BRIP1: variants seen among roughly 807,000 people sequenced by gnomAD.
BRIP1 encodes BRCA1 interacting DNA helicase 1, also known as Fanconi anemia group J protein.
A neutral mutation model predicts 119.7 loss-of-function variants in BRIP1; 88 were observed. That is an observed-to-expected ratio of 0.74 (90% CI 0.62 to 0.88). The LOEUF (loss-of-function observed/expected upper bound fraction) is 0.88, where lower values mean the gene tolerates loss of function less well. Among genes scored for constraint, BRIP1 ranks in the 40% least tolerant of loss-of-function variants. BRIP1 has a pLI of 0.00. For missense variants in BRIP1, 1,259 were observed against 1,455.4 expected (o/e 0.87, Z 2.20); for synonymous variants, 443 against 496.5 (o/e 0.89, Z 1.43).
intron 17 of BRIP1, among the ~76,000 whole-genome samples, chr17:61,696,810 CCT>C (rs2061528382): frequency 6.6e-6 from 1 of 151,340 alleles, no homozygotes; most frequent in Non-Finnish European, 1.5e-5. Context: ...ACGGTGAAAC[CCT>C]GTCTCTACTA....
rs1202620498 is a variant in BRIP1 at position 61,752,338 on chromosome 17, A to G, written c.2098-7747T>C. ...GCTTGAATTAGAAAGAGTTAAGAAA[A>G]AAAATGCAAACCTTGAGAATAAGAT... On this transcript the variant is annotated intron_variant, in intron 14 of 19. Coordinates refer to ENST00000259008, the MANE Select transcript of BRIP1 (RefSeq NM_032043.3). This position sits in a 1 kb window ranked among gnomAD's most constrained non-coding sequence, Gnocchi z 6.2. 6.6e-6 allele frequency among the ~76,000 whole-genome samples: 1 copy of G among 152,174 alleles called. No individual in the cohort carries two copies. The highest frequency in any genetic ancestry group is 2.4e-5 in the African/African-American group (1 of 41,450).
At position 61,703,176 on chromosome 17, in the gene BRIP1, T is replaced by G. The variant is rs1461149930; in HGVS notation, c.2493-9664A>C. ...ACCTCCCGGGTTCAAACGATTCTCC[T>G]GCTTAGCCTCCCAAGTAGCTGGAAT... is the stretch of plus-strand genomic sequence containing the variant. On this transcript the variant is annotated intron_variant, in intron 17 of 19. Coordinates refer to ENST00000259008, the MANE Select transcript of BRIP1 (RefSeq NM_032043.3). This position sits in a 1 kb window ranked among gnomAD's most constrained non-coding sequence, Gnocchi z 5.0. Among the ~76,000 whole-genome samples, 1 of 152,154 alleles carries G rather than the reference T, an allele frequency of 6.6e-6. No homozygotes were observed. Among genetic ancestry groups the G allele is most frequent in the Non-Finnish European group, 1.5e-5 (1 of 68,030 alleles).
rs1280049061 is a variant in BRIP1 at position 61,699,127 on chromosome 17, T to C, written c.2493-5615A>G. 1.3e-5 allele frequency among the ~76,000 whole-genome samples: 2 copies of C among 152,232 alleles called. No individual in the cohort carries two copies. The highest frequency in any genetic ancestry group is 4.1e-4 in the South Asian group (2 of 4,834). The stretch of plus-strand genomic sequence containing the variant: ...TTGTTTACTATTTGCATGGTATGTC[T>C]TTTCCCATCATTTTATTTTCAACCT... On this transcript the variant is annotated intron_variant, in intron 17 of 19. Coordinates refer to ENST00000259008, the MANE Select transcript of BRIP1 (RefSeq NM_032043.3). This position sits in a 1 kb window ranked among gnomAD's most constrained non-coding sequence, Gnocchi z 4.8.
At position 61,760,373 on chromosome 17, in the gene BRIP1, C is replaced by A. The variant is rs2144839694; in HGVS notation, c.2098-15782G>T. 6.6e-6 allele frequency among the ~76,000 whole-genome samples: 1 copy of A among 151,772 alleles called. No individual in the cohort carries two copies. The highest frequency in any genetic ancestry group is 3.4e-3 in the Middle Eastern group (1 of 292). ...AAGATCCCAAATAAATAACATTACT[C>A]CTCAAGGATCTAGAAAAAGAAGAAC... On this transcript the variant is annotated intron_variant, in intron 14 of 19. Transcript: ENST00000259008. This position sits in a 1 kb window ranked among gnomAD's most constrained non-coding sequence, Gnocchi z 4.6.
Position 61,842,630 on chromosome 17 carries a change from A to G in BRIP1, c.627+4471T>C, listed in dbSNP as rs1171615890. Reference sequence around the variant, plus strand: ...AAGATCAGAACTACAAATATGTAATATTATTAGTCGGTATTATATAGAATC... The same window carrying G: ...AAGATCAGAACTACAAATATGTAATGTTATTAGTCGGTATTATATAGAATC... On this transcript the variant is annotated intron_variant, in intron 6 of 19. Coordinates refer to ENST00000259008, the MANE Select transcript of BRIP1 (RefSeq NM_032043.3). This position sits in a 1 kb window ranked among gnomAD's most constrained non-coding sequence, Gnocchi z 5.1. 2.6e-5 allele frequency among the ~76,000 whole-genome samples: 4 copies of G among 152,228 alleles called. No individual in the cohort carries two copies. Among genetic ancestry groups the G allele is most frequent in the Non-Finnish European group, 5.9e-5 (4 of 68,050 alleles).
In BRIP1 at chr17:61,699,935, C is replaced by T. The variant is rs77496378; in HGVS notation, c.2493-6423G>A. ...ACACATGTTGCCACAACTCATTGCT[C>T]GGGGAAGTGTGTCCTGTGTAACTGC... On this transcript the variant is annotated intron_variant, in intron 17 of 19. Transcript: ENST00000259008. The surrounding 1 kb of genome is among the most constrained non-coding windows in gnomAD (Gnocchi z 4.8). Among the ~76,000 whole-genome samples, 793 of 152,226 alleles carry T rather than the reference C, an allele frequency of 5.2e-3. 1 individual carries two copies. Among genetic ancestry groups the T allele is most frequent in the Non-Finnish European group, 8.9e-3 (602 of 68,012 alleles).
At chr17:61,821,751 C>G (rs1274830396) in intron 6 of BRIP1, among the ~76,000 whole-genome samples, 3 of 152,048 alleles carry the variant, frequency 2.0e-5, no homozygotes, top group Admixed American at 6.6e-5. Context: ...ATCTCTCTCT[C>G]TCTCTCGCCC....
chr17:61,837,945 C>T (rs2078599483), intron 6 of BRIP1, among the ~76,000 whole-genome samples: 1 of 152,088 alleles, frequency 6.6e-6, no homozygotes, highest in African/African-American at 2.4e-5. Context: ...CTTCTCCAAT[C>T]CACTAGGTGG....
At chr17:61,858,520 C>T (rs1384592165) in intron 3 of BRIP1, among the ~76,000 whole-genome samples, 2 of 151,984 alleles carry the variant, frequency 1.3e-5, no homozygotes, top group African/African-American at 4.8e-5. Context: ...ATTACAGGCA[C>T]ACGCCACCTC....
In BRIP1 at chr17:61,780,691, G is replaced by A; in HGVS notation, c.1794+149C>T. 3.1e-6 allele frequency: 3 copies of A among 957,638 alleles called. No homozygotes were observed. The highest frequency in any genetic ancestry group is 3.3e-6 in the Non-Finnish European group (2 of 612,168). 59.3% of individuals were successfully genotyped at this position (957,638 alleles called of 1,614,324 possible). A position where few individuals can be genotyped will look rare whatever the true frequency, so the allele number is the denominator to read the frequency against. On this transcript the variant is annotated intron_variant, in intron 12 of 19. Transcript: ENST00000259008. The surrounding 1 kb of genome is among the most constrained non-coding windows in gnomAD (Gnocchi z 5.4). ...TACAGTGAGCTGAGATTGCACCACT[G>A]CACTCCAGCCTGGGTGAAGAGCAAG...
rs2077401762 is a variant in BRIP1 at position 61,768,457 on chromosome 17, A to T, written c.2097+7944T>A. 6.6e-6 allele frequency among the ~76,000 whole-genome samples: 1 copy of T among 152,218 alleles called. No homozygotes were observed. Among genetic ancestry groups the T allele is most frequent in the Non-Finnish European group, 1.5e-5 (1 of 68,040 alleles). ...AAAGGCAGTAAGAAAGACTTGGAAC[A>T]ATAAGAGTTAGTCTCCATCCATTCG... On this transcript the variant is annotated intron_variant, in intron 14 of 19. Coordinates refer to ENST00000259008, the MANE Select transcript of BRIP1 (RefSeq NM_032043.3). The surrounding 1 kb of genome is among the most constrained non-coding windows in gnomAD (Gnocchi z 5.0).
Position 61,822,957 on chromosome 17 carries a change from G to C in BRIP1, c.628-14200C>G, listed in dbSNP as rs1809250098. On this transcript the variant is annotated intron_variant, in intron 6 of 19. Coordinates refer to ENST00000259008, the MANE Select transcript of BRIP1 (RefSeq NM_032043.3). The surrounding 1 kb of genome is among the most constrained non-coding windows in gnomAD (Gnocchi z 4.4). ...ATAGCAGATCATCAACACAGATCAT[G>C]AAGTACCCCAGGATGGTGACTGCTT... 6.6e-6 allele frequency among the ~76,000 whole-genome samples: 1 copy of C among 152,206 alleles called. No individual in the cohort carries two copies. The highest frequency in any genetic ancestry group is 1.5e-5 in the Non-Finnish European group (1 of 68,034).
In BRIP1 at chr17:61,691,093, G is replaced by C. The variant is rs2061440654; in HGVS notation, c.2575+2337C>G. Among the ~76,000 whole-genome samples, 1 of 151,086 alleles carries C rather than the reference G, an allele frequency of 6.6e-6. No homozygotes were observed. The highest frequency in any genetic ancestry group is 1.5e-5 in the Non-Finnish European group (1 of 67,814). On this transcript the variant is annotated intron_variant, in intron 18 of 19. Coordinates refer to ENST00000259008, the MANE Select transcript of BRIP1 (RefSeq NM_032043.3). This position sits in a 1 kb window ranked among gnomAD's most constrained non-coding sequence, Gnocchi z 5.0. ...ACACCGGGGCCTGTTGTGGGGTGGG[G>C]GGAGAGGGGGGAGGGATAGCATTAG...
Position 61,743,401 on chromosome 17 carries a change from T to G in BRIP1, c.2258-267A>C, listed in dbSNP as rs1052936478. ...CTTATACAGTAAAAACATGTCAGAA[T>G]AGCAACTTGCATATGAACTGTGTGA... On this transcript the variant is annotated intron_variant, in intron 15 of 19. Transcript: ENST00000259008. This position sits in a 1 kb window ranked among gnomAD's most constrained non-coding sequence, Gnocchi z 4.3. 1.3e-5 allele frequency among the ~76,000 whole-genome samples: 2 copies of G among 152,182 alleles called. No homozygotes were observed. Among genetic ancestry groups the G allele is most frequent in the Admixed American group, 6.5e-5 (1 of 15,288 alleles).
intron 17 of BRIP1, among the ~76,000 whole-genome samples, chr17:61,698,162 A>G (rs1476517551): frequency 6.6e-6 from 1 of 152,200 alleles, no homozygotes; most frequent in Admixed American, 6.5e-5. Flanking sequence ...CTGTGTCCCC[A>G]AAATTTTGGG....
rs990687390 is a variant in BRIP1, at chr17:61,808,905, C to T, written c.628-148G>A. 7 of 820,242 alleles carry T rather than the reference C, an allele frequency of 8.5e-6. No homozygotes were observed. In the African/African-American group the frequency reaches 1.0e-4, roughly 12 times the overall value. 50.8% of individuals were successfully genotyped at this position (820,242 alleles called of 1,614,324 possible). The stretch of plus-strand genomic sequence containing the variant: ...AGAAATTATAGTATCTAAAACTTGC[C>T]ATTAAAGAAAAAACTACAATTTAAA... On this transcript the variant is annotated intron_variant, in intron 6 of 19. Transcript: ENST00000259008. The surrounding 1 kb of genome is among the most constrained non-coding windows in gnomAD (Gnocchi z 4.1).
chr17:61,769,738 C>T lies in BRIP1; in HGVS notation c.2097+6663G>A, dbSNP rs959719247. Among the ~76,000 whole-genome samples, 15 of 152,120 alleles carry T rather than the reference C, an allele frequency of 9.9e-5. No homozygotes were observed. Among genetic ancestry groups the T allele is most frequent in the Admixed American group, 9.8e-4 (15 of 15,258 alleles). ...ACTGAGGTCACAAGGCAAACTGCCACCCTGAAATCTGGAGAGACAGGTAAA... is the reference window on the plus strand; with the variant it reads ...ACTGAGGTCACAAGGCAAACTGCCATCCTGAAATCTGGAGAGACAGGTAAA... On this transcript the variant is annotated intron_variant, in intron 14 of 19. Coordinates refer to ENST00000259008, the MANE Select transcript of BRIP1 (RefSeq NM_032043.3). This position sits in a 1 kb window ranked among gnomAD's most constrained non-coding sequence, Gnocchi z 4.9.
rs2077429667 is a variant in BRIP1 at position 61,770,311 on chromosome 17, T to C, written c.2097+6090A>G. 6.6e-6 allele frequency among the ~76,000 whole-genome samples: 1 copy of C among 152,188 alleles called. No homozygotes were observed. Among genetic ancestry groups the C allele is most frequent in the South Asian group, 2.1e-4 (1 of 4,830 alleles). On this transcript the variant is annotated intron_variant, in intron 14 of 19. Transcript: ENST00000259008. The surrounding 1 kb of genome is among the most constrained non-coding windows in gnomAD (Gnocchi z 4.7). ...GGGCTCCAGTATAACAGCAGAGGAT[T>C]ACAACAGAGAGAGACAGCTGCAAGG...
chr17:61,766,451 A>C (rs2077375015), intron 14 of BRIP1, among the ~76,000 whole-genome samples: 1 of 152,192 alleles, frequency 6.6e-6, no homozygotes, highest in Non-Finnish European at 1.5e-5. Flanking sequence ...CAAAAGGCTC[A>C]GTTGATCACT....
Sources: allele counts gnomAD v4.1 joint callset (sites outside exome capture counted in the v4.1 genomes callset), GRCh38; gene constraint gnomAD v4.1.1; non-coding constraint Gnocchi (gnomAD v3.1); transcripts MANE v1.5; gene names NCBI Gene and HGNC (gene_info 2026-07-23, HGNC 2026-07-21).